GTF2F2: variants seen among roughly 807,000 people sequenced by gnomAD.
The protein encoded by GTF2F2 is ATP-dependent helicase GTF2F2.
Under a neutral mutation model 42.2 loss-of-function variants are expected in GTF2F2, and 23 were observed. The observed-to-expected ratio is 0.55, with a 90% confidence interval of 0.39 to 0.77. GTF2F2 has a LOEUF of 0.77. Ranked by LOEUF, GTF2F2 falls within the 30% of genes least tolerant of loss-of-function variation. GTF2F2 has a pLI of 0.00. For synonymous variants in GTF2F2, 105 were observed against 100.8 expected (o/e 1.04, Z -0.25); for missense variants, 261 against 287.2 (o/e 0.91, Z 0.66).
chr13:45,203,248 T>C (rs9526047), intron 4 of GTF2F2, among the ~76,000 whole-genome samples: 25,995 of 151,576 alleles, frequency 0.17, 2,587 homozygotes, highest in Non-Finnish European at 0.22. Context: ...ACCTTTTTTT[T>C]TTTTTTTTGG....
chr13:45,206,251 G>C (rs1873407429), intron 4 of GTF2F2: 1 of 152,092 alleles, frequency 6.6e-6, no homozygotes, highest in Admixed American at 6.5e-5. Context: ...GAGTCTCCTA[G>C]ATTTTGGAGA....
chr13:45,168,299 G>C (rs1233677491), intron 4 of GTF2F2, among the ~76,000 whole-genome samples: 1 of 152,180 alleles, frequency 6.6e-6, no homozygotes, highest in African/African-American at 2.4e-5. Flanking sequence ...TTTACATCTC[G>C]GCACCTTTGT....
chr13:45,137,206 T>C (rs1385411375), intron 2 of GTF2F2, among the ~76,000 whole-genome samples: 1 of 152,190 alleles, frequency 6.6e-6, no homozygotes, highest in African/African-American at 2.4e-5. Flanking sequence ...GGCCTACTTA[T>C]AGGGGCTTTG....
intron 4 of GTF2F2, among the ~76,000 whole-genome samples, chr13:45,184,113 C>T (rs1445216549): frequency 1.3e-5 from 2 of 152,066 alleles, no homozygotes; most frequent in African/African-American, 2.4e-5. Flanking sequence ...GCCTCAACCT[C>T]CCAAAGTGAG....
chr13:45,194,265 G>A (rs775887413), intron 4 of GTF2F2: 39 of 1,613,902 alleles, frequency 2.4e-5, no homozygotes, highest in African/African-American at 2.7e-5. Flanking sequence ...GAAACCCTTC[G>A]GGCAATAGAA....
chr13:45,280,199 G>T lies in GTF2F2; in HGVS notation c.631-3243G>T, dbSNP rs188442987. On this transcript the variant is annotated intron_variant, in intron 7 of 7. Coordinates refer to ENST00000340473, the MANE Select transcript of GTF2F2 (RefSeq NM_004128.3). ...ATGCAGAAATGGGAAGCATGCGTGA[G>T]GGGGAGTGTTGGAAGATGAGGCTAA... Among the ~76,000 whole-genome samples, 9 of 152,350 alleles carry T rather than the reference G, an allele frequency of 5.9e-5. No individual in the cohort carries two copies. In the South Asian group the frequency reaches 1.9e-3, roughly 32 times the overall value.
intron 2 of GTF2F2, among the ~76,000 whole-genome samples, chr13:45,138,592 T>C (rs1869754568): frequency 6.6e-6 from 1 of 152,242 alleles, no homozygotes. Flanking sequence ...CACAGCTGAT[T>C]ATAATCCATT....
At chr13:45,133,309 A>G (rs967143423) in intron 1 of GTF2F2, among the ~76,000 whole-genome samples, 1 of 152,146 alleles carries the variant, frequency 6.6e-6, no homozygotes, top group Non-Finnish European at 1.5e-5. Flanking sequence ...AGTTAAAGAA[A>G]GAAAAATAAA....
At chr13:45,246,963 G>A (rs1290238592) in intron 5 of GTF2F2, among the ~76,000 whole-genome samples, 4 of 151,958 alleles carry the variant, frequency 2.6e-5, no homozygotes, top group East Asian at 1.9e-4. Context: ...GTGTGAACCC[G>A]GGAGGCGGAG....
At chr13:45,201,572 C>T (rs1386879977) in intron 4 of GTF2F2, among the ~76,000 whole-genome samples, 1 of 152,088 alleles carries the variant, frequency 6.6e-6, no homozygotes, top group Non-Finnish European at 1.5e-5. Flanking sequence ...TAACTAGAAG[C>T]CTTCAGTTCT....
intron 5 of GTF2F2, among the ~76,000 whole-genome samples, chr13:45,214,066 T>G (rs181389446): frequency 6.6e-5 from 10 of 152,310 alleles, no homozygotes; most frequent in African/African-American, 2.4e-4. Flanking sequence ...TGTATTATAT[T>G]TTAGTAACTA....
At chr13:45,245,409 T>A (rs1338568633) in intron 5 of GTF2F2, among the ~76,000 whole-genome samples, 1 of 152,010 alleles carries the variant, frequency 6.6e-6, no homozygotes, top group Non-Finnish European at 1.5e-5. Context: ...CCAAATAGTG[T>A]ACACTGTACC....
At chr13:45,283,001 A>C (rs1030606657) in intron 7 of GTF2F2, among the ~76,000 whole-genome samples, 3 of 152,108 alleles carry the variant, frequency 2.0e-5, no homozygotes, top group Non-Finnish European at 4.4e-5. Flanking sequence ...ATTCTCAAAA[A>C]TGTTGCTCAT....
chr13:45,251,511 C>T, intron 5 of GTF2F2, among the ~76,000 whole-genome samples: 1 of 151,946 alleles, frequency 6.6e-6, no homozygotes. Flanking sequence ...ATACTTATTG[C>T]AGAACATTTA....
At chr13:45,221,770 T>C (rs898787826) in intron 5 of GTF2F2, among the ~76,000 whole-genome samples, 3 of 152,216 alleles carry the variant, frequency 2.0e-5, no homozygotes, top group Admixed American at 6.5e-5. Flanking sequence ...CATCTGGCCT[T>C]CAGAACTTTG....
At chr13:45,255,391 A>G (rs1450819574) in intron 6 of GTF2F2, among the ~76,000 whole-genome samples, 1 of 152,204 alleles carries the variant, frequency 6.6e-6, no homozygotes, top group Non-Finnish European at 1.5e-5. Flanking sequence ...CATGACCCAT[A>G]TAAATACATT....
intron 4 of GTF2F2, among the ~76,000 whole-genome samples, chr13:45,166,632 C>G (rs1174601670): frequency 6.6e-6 from 1 of 152,126 alleles, no homozygotes; most frequent in East Asian, 1.9e-4. Flanking sequence ...TGTCAATCCA[C>G]TATGACCAGA....
At chr13:45,278,476 G>A (rs779672665) in intron 7 of GTF2F2, among the ~76,000 whole-genome samples, 4 of 152,162 alleles carry the variant, frequency 2.6e-5, no homozygotes, top group Non-Finnish European at 4.4e-5. Flanking sequence ...ATCTTGTGCT[G>A]CAGCTTGGCA....
intron 5 of GTF2F2, among the ~76,000 whole-genome samples, chr13:45,223,598 A>G (rs1176754954): frequency 6.6e-6 from 1 of 152,218 alleles, no homozygotes; most frequent in Non-Finnish European, 1.5e-5. Context: ...AACGCATTTC[A>G]GTAGCACATT....
Sources: allele counts gnomAD v4.1 joint callset (sites outside exome capture counted in the v4.1 genomes callset), GRCh38; gene constraint gnomAD v4.1.1; transcripts MANE v1.5; gene names NCBI Gene and HGNC (gene_info 2026-07-23, HGNC 2026-07-21).